GPHN: variants seen among roughly 807,000 people sequenced by gnomAD.
The protein encoded by GPHN is gephyrin.
In GPHN, 17 loss-of-function variants were observed where a neutral mutation model predicts 95.5. That is an observed-to-expected ratio of 0.18 (90% CI 0.12 to 0.27). GPHN has a LOEUF of 0.27. GPHN is among the 10% of genes least tolerant of loss of function. The pLI is 1.00. For missense variants in GPHN, 660 were observed against 978.1 expected (o/e 0.67, Z 4.34); for synonymous variants, 320 against 322.5 (o/e 0.99, Z 0.08).
At position 67,057,412 on chromosome 14, in the gene GPHN, G is replaced by T. The variant is rs546249990; in HGVS notation, c.1007-1237G>T. Among the ~76,000 whole-genome samples, 28 of 131,422 alleles carry T rather than the reference G, an allele frequency of 2.1e-4. No individual in the cohort carries two copies. In the East Asian group the frequency reaches 3.8e-3, roughly 18 times the overall value. 86.2% of individuals were successfully genotyped at this position (131,422 alleles called of 152,430 possible). On this transcript the variant is annotated intron_variant, in intron 10 of 22. Transcript: ENST00000478722. ...AACAAGAACACATGGGCACATGGGT[G>T]GGGGGGGCAACAGCACACACTGGGT...
chr14:67,004,614 A>G (rs1247953966), intron 9 of GPHN, among the ~76,000 whole-genome samples: 3 of 151,770 alleles, frequency 2.0e-5, no homozygotes, highest in Non-Finnish European at 4.4e-5. Flanking sequence ...GAAAATCACC[A>G]TTCTTGAGTC....
chr14:67,037,373 T>G (rs1299068762), intron 10 of GPHN, among the ~76,000 whole-genome samples: 1 of 151,932 alleles, frequency 6.6e-6, no homozygotes, highest in Non-Finnish European at 1.5e-5. Flanking sequence ...AAAAACTTTA[T>G]GACATTGAAA....
intron 8 of GPHN, among the ~76,000 whole-genome samples, chr14:66,946,249 G>A (rs757537918): frequency 5.9e-5 from 9 of 151,974 alleles, no homozygotes; most frequent in Admixed American, 1.3e-4. Flanking sequence ...ACCCAAATAC[G>A]TAATAAAGTT....
chr14:67,656,231 G>A, the GPHN span, among the ~76,000 whole-genome samples: 5 of 147,776 alleles, frequency 3.4e-5, no homozygotes, highest in African/African-American at 1.2e-4. Context: ...GGGTGACACA[G>A]TGAGACTCTA....
chr14:67,205,356 C>A, the GPHN span, among the ~76,000 whole-genome samples: 3 of 152,156 alleles, frequency 2.0e-5, no homozygotes, highest in African/African-American at 4.8e-5. Flanking sequence ...AGAATCAGAA[C>A]CAAGTTAGAC....
At chr14:67,410,777 A>T in the GPHN span, among the ~76,000 whole-genome samples, 1 of 152,218 alleles carries the variant, frequency 6.6e-6, no homozygotes, top group African/African-American at 2.4e-5. Flanking sequence ...TAGAAGAACC[A>T]GAAAGCTCAG....
the GPHN span, among the ~76,000 whole-genome samples, chr14:67,371,317 G>A: frequency 5.3e-5 from 8 of 151,930 alleles, no homozygotes; most frequent in African/African-American, 2.4e-5. Context: ...CTACTTGGGA[G>A]GCTGAGGTGG....
the GPHN span, among the ~76,000 whole-genome samples, chr14:67,522,838 G>T: frequency 2.0e-5 from 3 of 152,254 alleles, no homozygotes; most frequent in East Asian, 5.8e-4. Context: ...TACCCTCCTT[G>T]TCCTGGACCT....
intron 11 of GPHN, among the ~76,000 whole-genome samples, chr14:67,074,396 C>T (rs1233875996): frequency 1.3e-5 from 2 of 152,002 alleles, no homozygotes; most frequent in African/African-American, 4.8e-5. Context: ...TATTTGGGGG[C>T]ACCACAAATT....
At chr14:66,917,379 T>C (rs534778977) in intron 6 of GPHN, among the ~76,000 whole-genome samples, 81 of 152,314 alleles carry the variant, frequency 5.3e-4, no homozygotes, top group African/African-American at 1.8e-3. Flanking sequence ...CTTCACTCTT[T>C]CAAGCATCTG....
At chr14:67,533,003 T>TCCCTGCCGCCCC in the GPHN span, among the ~76,000 whole-genome samples, 1 of 152,144 alleles carries the variant, frequency 6.6e-6, no homozygotes, top group Non-Finnish European at 1.5e-5. Flanking sequence ...CCCGCCGCCC[T>TCCCTGCCGCCCC]CCCTGCCGCC....
intron 11 of GPHN, among the ~76,000 whole-genome samples, chr14:67,067,718 C>T (rs2076119280): frequency 6.6e-6 from 1 of 152,132 alleles, no homozygotes; most frequent in Non-Finnish European, 1.5e-5. Flanking sequence ...GACTGCTGTG[C>T]TAGCAGTGAG....
At chr14:67,517,151 C>T in the GPHN span, among the ~76,000 whole-genome samples, 63,472 of 152,016 alleles carry the variant, frequency 0.42, 13,840 homozygotes, top group Non-Finnish European at 0.48. Context: ...CAGGGACACG[C>T]TGGCAAGAAG....
intron 9 of GPHN, among the ~76,000 whole-genome samples, chr14:66,972,214 G>A (rs190114770): frequency 6.7e-6 from 1 of 148,318 alleles, no homozygotes; most frequent in East Asian, 2.0e-4. Flanking sequence ...GCTGCAGTGA[G>A]CCGAGATTGC....
At chr14:67,010,027 G>A (rs977058419) in intron 9 of GPHN, among the ~76,000 whole-genome samples, 7 of 151,808 alleles carry the variant, frequency 4.6e-5, no homozygotes, top group African/African-American at 1.5e-4. Context: ...CCAAAGTGCT[G>A]GGATTACAGA....
the GPHN span, among the ~76,000 whole-genome samples, chr14:67,713,056 T>C: frequency 6.6e-6 from 1 of 151,938 alleles, no homozygotes; most frequent in Non-Finnish European, 1.5e-5. Context: ...GGAAAAAGAC[T>C]GAAACAACAA....
At chr14:67,396,665 T>C in the GPHN span, among the ~76,000 whole-genome samples, 1 of 152,362 alleles carries the variant, frequency 6.6e-6, no homozygotes. Flanking sequence ...AATGACTGCC[T>C]CTCTCCTTGT....
chr14:66,597,955 A>G (rs955119256), intron 1 of GPHN, among the ~76,000 whole-genome samples: 7 of 152,232 alleles, frequency 4.6e-5, no homozygotes, highest in African/African-American at 1.7e-4. Flanking sequence ...ACCCTTAACA[A>G]AAGAAGGAAA....
chr14:67,245,126 T>A, the GPHN span, among the ~76,000 whole-genome samples: 1 of 152,232 alleles, frequency 6.6e-6, no homozygotes, highest in Admixed American at 6.5e-5. Flanking sequence ...GGGAGACATA[T>A]GCCAGATTTC....
Sources: allele counts gnomAD v4.1 joint callset (sites outside exome capture counted in the v4.1 genomes callset), GRCh38; gene constraint gnomAD v4.1.1; transcripts MANE v1.5; gene names NCBI Gene and HGNC (gene_info 2026-07-23, HGNC 2026-07-21).